The following PLPPR5 variants were observed in gnomAD, a reference collection of about 807,000 sequenced individuals.
PLPPR5 encodes phospholipid phosphatase related 5.
A neutral mutation model predicts 33.9 loss-of-function variants in PLPPR5; 16 were observed. That is an observed-to-expected ratio of 0.47 (90% CI 0.32 to 0.72). The LOEUF (loss-of-function observed/expected upper bound fraction) is 0.72. Ranked by LOEUF, PLPPR5 falls within the 30% of genes least tolerant of loss-of-function variation. PLPPR5 has a pLI of 0.03. For missense variants in PLPPR5, 301 were observed against 406.7 expected (o/e 0.74, Z 2.23); for synonymous variants, 163 against 150.3 (o/e 1.08, Z -0.62).
intron 3 of PLPPR5, among the ~76,000 whole-genome samples, chr1:98,949,362 A>C (rs1407935803): frequency 1.3e-5 from 2 of 152,128 alleles, no homozygotes; most frequent in African/African-American, 4.8e-5. Flanking sequence ...GTCAGATGTT[A>C]AGGGAGAGTT....
intron 1 of PLPPR5, among the ~76,000 whole-genome samples, chr1:98,968,941 T>A (rs1468296835): frequency 2.0e-5 from 3 of 152,074 alleles, no homozygotes; most frequent in African/African-American, 7.2e-5. Flanking sequence ...ATTATTTTGC[T>A]TCATTTTAGG....
At chr1:98,999,912 C>T (rs773180199) in intron 1 of PLPPR5, among the ~76,000 whole-genome samples, 10 of 152,232 alleles carry the variant, frequency 6.6e-5, no homozygotes, top group Non-Finnish European at 1.2e-4. Context: ...TCCAGGGCTG[C>T]CTTGGTTGGT....
intron 5 of PLPPR5, among the ~76,000 whole-genome samples, chr1:98,903,985 T>A (rs1217100569): frequency 6.6e-6 from 1 of 152,220 alleles, no homozygotes; most frequent in Non-Finnish European, 1.5e-5. Context: ...TGGGTCACCA[T>A]GAGCTCTTTC....
At chr1:98,933,500 A>AAG (rs1557674581) in intron 3 of PLPPR5, among the ~76,000 whole-genome samples, 2 of 151,194 alleles carry the variant, frequency 1.3e-5, no homozygotes, top group African/African-American at 2.4e-5. Flanking sequence ...AAAAAAAAAA[A>AAG]GGATTTCAGA....
At chr1:98,955,473 G>A (rs1650969925) in intron 2 of PLPPR5, among the ~76,000 whole-genome samples, 1 of 152,004 alleles carries the variant, frequency 6.6e-6, no homozygotes, top group African/African-American at 2.4e-5. Context: ...CAAGAACACA[G>A]TATTGATACA....
At chr1:99,000,667 T>G (rs1248178825) in intron 1 of PLPPR5, among the ~76,000 whole-genome samples, 1 of 152,230 alleles carries the variant, frequency 6.6e-6, no homozygotes, top group Non-Finnish European at 1.5e-5. Flanking sequence ...CCTTTCCTCA[T>G]GTCTCCAAAC....
chr1:98,943,112 G>T (rs770354310), intron 3 of PLPPR5, among the ~76,000 whole-genome samples: 1 of 152,162 alleles, frequency 6.6e-6, no homozygotes, highest in Non-Finnish European at 1.5e-5. Flanking sequence ...TCCCTTAGGG[G>T]CAAAATAGAC....
chr1:98,941,060 G>A (rs1650350549), intron 3 of PLPPR5, among the ~76,000 whole-genome samples: 1 of 151,804 alleles, frequency 6.6e-6, no homozygotes, highest in Non-Finnish European at 1.5e-5. Context: ...AGAGGTTAAG[G>A]CCAATGAAGG....
chr1:98,903,294 T>C lies in PLPPR5; in HGVS notation c.934-10190A>G, dbSNP rs537698973. ...CAATATCTAATCACTAATAAGATTG[T>C]TTTGACAAGGTCCTATATAACATTT... On this transcript the variant is annotated intron_variant, in intron 5 of 5. Transcript: ENST00000263177. Among the ~76,000 whole-genome samples the C allele has an allele frequency of 1.1e-4, 16 of 152,256 alleles. No homozygotes were observed. The East Asian group carries it at 1.9e-3, about 18-fold the overall frequency.
intron 5 of PLPPR5, among the ~76,000 whole-genome samples, chr1:98,904,014 T>C (rs1648798585): frequency 1.3e-5 from 2 of 152,174 alleles, no homozygotes; most frequent in South Asian, 4.1e-4. Context: ...CCTATCCATA[T>C]AATTTTTTTG....
rs1223000028 is a variant in PLPPR5, at chr1:98,953,292, T to C, written c.399A>G (p.Thr133=). The change falls in exon 3 of 6, where the codon ACA becomes ACG. Residue 133 remains threonine (T), a synonymous_variant. Transcript: ENST00000263177. ...CTTGTCCAGCATTTACAAAGATATC[T>C]GTAGCAAACAGTCCAAATGTATAAA... is the stretch of plus-strand genomic sequence containing the variant. ...LGIYTFGLFA[T]DIFVNAGQVV... is the part of the protein sequence containing the mutation. 5 of 1,613,778 alleles carry C rather than the reference T, an allele frequency of 3.1e-6. No homozygotes were observed. The highest frequency in any genetic ancestry group is 1.6e-4 in the Middle Eastern group (1 of 6,082).
At chr1:98,997,701 A>T (rs547153564) in intron 1 of PLPPR5, among the ~76,000 whole-genome samples, 4 of 152,342 alleles carry the variant, frequency 2.6e-5, no homozygotes, top group Admixed American at 2.0e-4. Flanking sequence ...CCACAGACTA[A>T]GGCTGGCAAA....
chr1:98,894,058 C>G (rs774956552), intron 5 of PLPPR5, among the ~76,000 whole-genome samples: 64 of 151,836 alleles, frequency 4.2e-4, no homozygotes, highest in Non-Finnish European at 2.6e-4. Flanking sequence ...AATTAAAATT[C>G]ATTTTCATTG....
chr1:99,001,669 A>AAGATAGATAGATAGAT lies in PLPPR5; in HGVS notation c.237+2765_237+2766insATCTATCTATCTATCT, dbSNP rs370587528. On this transcript the variant is annotated intron_variant, in intron 1 of 5. Coordinates refer to ENST00000263177, the MANE Select transcript of PLPPR5 (RefSeq NM_001037317.2). ...GAACTAGAAATGAGTTTGAAAGTTAAAGATATATATATATATATATATATA... is the reference window on the plus strand; with the variant it reads ...GAACTAGAAATGAGTTTGAAAGTTAAAGATAGATAGATAGATAGATATATATATATATATATATATA... Among the ~76,000 whole-genome samples the AAGATAGATAGATAGAT allele has an allele frequency of 1.4e-4, 9 of 64,344 alleles. No homozygotes were observed. In the East Asian group the frequency reaches 3.6e-3, roughly 26 times the overall value. The allele number at this position is 64,344 out of a possible 152,430, so 42.2% of individuals were successfully genotyped here.
At chr1:98,979,646 T>TGG (rs1248893548) in intron 1 of PLPPR5, among the ~76,000 whole-genome samples, 1 of 152,038 alleles carries the variant, frequency 6.6e-6, no homozygotes, top group Non-Finnish European at 1.5e-5. Flanking sequence ...GGTCCCAGGT[T>TGG]GCAGATTTCT....
At chr1:98,938,524 A>C (rs1320945878) in intron 3 of PLPPR5, among the ~76,000 whole-genome samples, 1 of 148,330 alleles carries the variant, frequency 6.7e-6, no homozygotes. Context: ...ATTAAAATAC[A>C]TTTATATATT....
chr1:98,956,576 A>C, intron 2 of PLPPR5, 33 bp downstream of exon 2: 1 of 1,535,026 alleles, frequency 6.5e-7, no homozygotes, highest in Non-Finnish European at 8.7e-7. Flanking sequence ...ACACTGTTTC[A>C]GAAATATTAA....
rs116780485 is a variant in PLPPR5, at chr1:98,974,803, G to T, written c.238-18062C>A. ...GAAATGCAATTTCTACTTTGTACCT[G>T]AATTCCATTAGCAGATCCCTATTCC... On this transcript the variant is annotated intron_variant, in intron 1 of 5. Transcript: ENST00000263177. Among the ~76,000 whole-genome samples the T allele has an allele frequency of 1.5e-3, 222 of 152,126 alleles. 2 individuals are homozygous for T. The highest frequency in any genetic ancestry group is 4.8e-3 in the African/African-American group (198 of 41,524).
At chr1:98,936,791 A>G (rs1215974510) in intron 3 of PLPPR5, among the ~76,000 whole-genome samples, 1 of 152,162 alleles carries the variant, frequency 6.6e-6, no homozygotes, top group Non-Finnish European at 1.5e-5. Context: ...AGTCTTGGGT[A>G]TTTTTCCTGC....
Sources: allele counts gnomAD v4.1 joint callset (sites outside exome capture counted in the v4.1 genomes callset), GRCh38; gene constraint gnomAD v4.1.1; transcripts MANE v1.5; gene names NCBI Gene and HGNC (gene_info 2026-07-23, HGNC 2026-07-21).